The following SLCO5A1 variants were observed in gnomAD, a reference collection of about 807,000 sequenced individuals.
SLCO5A1 encodes the protein organic anion transporter polypeptide-related protein 4.
SLCO5A1 carries 39 observed loss-of-function variants against 65.1 expected under a neutral mutation model. The observed-to-expected ratio is 0.60, with a 90% CI of 0.46 to 0.78. The LOEUF (loss-of-function observed/expected upper bound fraction) is 0.78. SLCO5A1 is among the 30% of genes least tolerant of loss of function. The probability of loss-of-function intolerance (pLI) is 0.00; values close to 1 mark genes in which losing one functional copy is unlikely to be tolerated. For synonymous variants in SLCO5A1, 438 were observed against 415.7 expected (o/e 1.05, Z -0.65); for missense variants, 1,029 against 1,069.4 (o/e 0.96, Z 0.53).
rs1813371475 is a variant in SLCO5A1, at chr8:69,672,607, C to T, written c.*262G>A. The T allele has an allele frequency of 2.1e-6, 1 of 483,142 alleles. No individual in the cohort carries two copies. Among genetic ancestry groups the T allele is most frequent in the Admixed American group, 3.6e-5 (1 of 27,920 alleles). The allele number at this position is 483,142 out of a possible 1,614,324, so 29.9% of individuals were successfully genotyped here. A position where few individuals can be genotyped will look rare whatever the true frequency, so the allele number is the denominator to read the frequency against. ...TACCTCAGCCTGTACCGTAGGGGAG[C>T]ATGAGCTTTGAATTAACACAACGGA... On this transcript the variant is annotated 3_prime_UTR_variant, in exon 10 of 10. Transcript: ENST00000260126.
At chr8:69,755,829 A>G (rs1270258169) in intron 3 of SLCO5A1, among the ~76,000 whole-genome samples, 188 bp from the exon 4 acceptor site, 1 of 152,224 alleles carries the variant, frequency 6.6e-6, no homozygotes, top group Non-Finnish European at 1.5e-5. Flanking sequence ...TAAATGAGAA[A>G]TCTACTCAAT....
At chr8:69,683,418 G>A (rs1813866246) in intron 6 of SLCO5A1, among the ~76,000 whole-genome samples, 1 of 152,120 alleles carries the variant, frequency 6.6e-6, no homozygotes, top group Admixed American at 6.6e-5. Context: ...AATAGATTTA[G>A]AGGGGGTGAA....
intron 2 of SLCO5A1, among the ~76,000 whole-genome samples, chr8:69,798,727 A>T (rs1414786669): frequency 1.3e-5 from 2 of 152,222 alleles, no homozygotes; most frequent in Non-Finnish European, 2.9e-5. Flanking sequence ...AGTCCAAAAA[A>T]TTATTACCAG....
At chr8:69,722,287 C>A (rs940128032) in intron 5 of SLCO5A1, among the ~76,000 whole-genome samples, 2 of 152,144 alleles carry the variant, frequency 1.3e-5, no homozygotes, top group African/African-American at 4.8e-5. Flanking sequence ...GGGAAATAAG[C>A]CCTTATGACT....
At chr8:69,761,093 C>T (rs1259161310) in intron 3 of SLCO5A1, among the ~76,000 whole-genome samples, 1 of 152,154 alleles carries the variant, frequency 6.6e-6, no homozygotes, top group Non-Finnish European at 1.5e-5. Flanking sequence ...AGGAAAGTCC[C>T]CACGCAGCCA....
chr8:69,825,817 G>T (rs1184911263), intron 2 of SLCO5A1, among the ~76,000 whole-genome samples: 1 of 152,068 alleles, frequency 6.6e-6, no homozygotes, highest in Non-Finnish European at 1.5e-5. Context: ...AGCCCACATT[G>T]CCAAGTCAAT....
At position 69,679,397 on chromosome 8, in the gene SLCO5A1, C is replaced by T. The variant is rs1329172581; in HGVS notation, c.2005G>A (p.Ala669Thr). The part of the protein sequence containing the change: ...TFITACAQPS[A>T]IIVTLRSVED... ...TCTCACCTGAGTGTTACTATGATAG[C>T]TGATGGTTGGGCACATGCTGTGATG... Residue 669 changes from alanine (A) to threonine (T), a missense_variant, in exon 8 of 10, where the codon GCT (alanine) becomes ACT (threonine). Around this residue, in one of 3 missense-constraint regions of SLCO5A1, gnomAD observed 258 missense variants for 237.4 expected, o/e 1.09. Transcript: ENST00000260126. The T allele has an allele frequency of 6.2e-7, 1 of 1,614,168 alleles. No individual in the cohort carries two copies. The highest frequency in any genetic ancestry group is 1.7e-5 in the Admixed American group (1 of 60,026).
chr8:69,714,520 A>C (rs1031149170), intron 5 of SLCO5A1, among the ~76,000 whole-genome samples: 6 of 152,164 alleles, frequency 3.9e-5, no homozygotes, highest in Non-Finnish European at 8.8e-5. Flanking sequence ...AGCTGTCTCA[A>C]GTTTTGCCCC....
chr8:69,823,689 A>G (rs1820749042), intron 2 of SLCO5A1, among the ~76,000 whole-genome samples: 2 of 152,142 alleles, frequency 1.3e-5, no homozygotes, highest in African/African-American at 2.4e-5. Flanking sequence ...AGACTTTAAC[A>G]CCCCACTGTC....
At chr8:69,769,396 A>G (rs1486883862) in intron 2 of SLCO5A1, among the ~76,000 whole-genome samples, 5 of 152,164 alleles carry the variant, frequency 3.3e-5, no homozygotes, top group African/African-American at 1.2e-4. Flanking sequence ...ATACTGAACT[A>G]TTGACATAGG....
chr8:69,674,886 A>G (rs542151497), intron 9 of SLCO5A1, among the ~76,000 whole-genome samples: 1 of 146,206 alleles, frequency 6.8e-6, no homozygotes, highest in South Asian at 2.2e-4. Flanking sequence ...AAAAAAATGC[A>G]AAAATTAGCC....
chr8:69,755,494 C>T lies in SLCO5A1; in HGVS notation c.1188G>A (p.Lys396=), dbSNP rs990946853. 3 of 1,613,942 alleles carry T rather than the reference C, an allele frequency of 1.9e-6. No homozygotes were observed. The highest frequency in any genetic ancestry group is 2.5e-6 in the Non-Finnish European group (3 of 1,179,982). The part of the protein sequence containing the change: ...VDAVSDDDVL[K]EKSNNSEQAD... ...CTTGTTCACTGTTGTTTGATTTCTC[C>T]TTCAGAACATCGTCATCACTAACAG... Residue 396 remains lysine, a synonymous_variant, in exon 4 of 10, where the codon AAG becomes AAA. Transcript: ENST00000260126.
chr8:69,761,644 T>C, intron 3 of SLCO5A1, 99 bp downstream of exon 3: 1 of 1,355,866 alleles, frequency 7.4e-7, no homozygotes, highest in South Asian at 1.3e-5. Context: ...TTCAGCTATT[T>C]TTTGTCTCCC....
In SLCO5A1 at chr8:69,761,792, T is replaced by C. The variant is rs1234630129; in HGVS notation, c.991A>G (p.Arg331Gly). Residue 331 changes from arginine to glycine, a missense_variant, in exon 3 of 10, where the codon AGA becomes GGA. Arg to Gly is a moderately radical substitution (Grantham distance 125). Around this residue, in one of 3 missense-constraint regions of SLCO5A1, gnomAD observed 647 missense variants for 647.5 expected, o/e 1.00. Coordinates refer to ENST00000260126, the MANE Select transcript of SLCO5A1 (RefSeq NM_030958.3). ...TTCTGGTCAAGGTGAACAGGATTTCTGGGATCAACATAAAAACCAATAAGA... is the reference window on the plus strand; with the variant it reads ...TTCTGGTCAAGGTGAACAGGATTTCCGGGATCAACATAAAAACCAATAAGA... ...GLLIGFYVDP[R>G]NPVHLDQNDP... is the part of the protein sequence containing the mutation. The C allele has an allele frequency of 6.2e-7, 1 of 1,613,930 alleles. No individual in the cohort carries two copies. Among genetic ancestry groups the C allele is most frequent in the Non-Finnish European group, 8.5e-7 (1 of 1,179,996 alleles).
At position 69,668,586 on chromosome 8, in the gene SLCO5A1, G is replaced by C. The variant is rs986949935; in HGVS notation, c.*4283C>G. 1 of 152,172 alleles carries C rather than the reference G, an allele frequency of 6.6e-6. No homozygotes were observed. The highest frequency in any genetic ancestry group is 1.5e-5 in the Non-Finnish European group (1 of 68,044). 9.4% of individuals were successfully genotyped at this position (152,172 alleles called of 1,614,324 possible). A position where few individuals can be genotyped will look rare whatever the true frequency, so the allele number is the denominator to read the frequency against. On this transcript the variant is annotated 3_prime_UTR_variant, in exon 10 of 10. Transcript: ENST00000260126. ...TGCCTCCTGCTCCTGGGTGCACTAGGGAATTCCCATCAATGCTTCAGCTCC... is the reference window on the plus strand; with the variant it reads ...TGCCTCCTGCTCCTGGGTGCACTAGCGAATTCCCATCAATGCTTCAGCTCC...
intron 2 of SLCO5A1, 135 bp downstream of exon 2, chr8:69,831,632 T>G (rs1821156165): frequency 2.0e-6 from 2 of 1,003,340 alleles, no homozygotes; most frequent in Admixed American, 6.0e-5. Context: ...ACAGCAAGGC[T>G]AAAACGTAAA....
chr8:69,767,889 C>CAAAAAAAAAAAAA (rs746004982), intron 2 of SLCO5A1, among the ~76,000 whole-genome samples: 6 of 35,016 alleles, frequency 1.7e-4, no homozygotes, highest in Admixed American at 2.9e-4. Context: ...GACTCCATCT[C>CAAAAAAAAAAAAA]AAAAAAAAAA....
At chr8:69,679,709 T>A in intron 7 of SLCO5A1, 90 bp from the exon 8 acceptor site, 2 of 1,512,684 alleles carry the variant, frequency 1.3e-6, no homozygotes, top group Non-Finnish European at 1.8e-6. Context: ...AAAAGTACTC[T>A]AAAATAGCTC....
chr8:69,807,278 G>A (rs747629844), intron 2 of SLCO5A1, among the ~76,000 whole-genome samples: 1 of 152,202 alleles, frequency 6.6e-6, no homozygotes, highest in Non-Finnish European at 1.5e-5. Context: ...TTCAATGGAT[G>A]TACACATTGT....
Sources: allele counts gnomAD v4.1 joint callset (sites outside exome capture counted in the v4.1 genomes callset), GRCh38; gene constraint gnomAD v4.1.1; regional missense constraint gnomAD v4.1.1; transcripts MANE v1.5; gene names NCBI Gene and HGNC (gene_info 2026-07-23, HGNC 2026-07-21).